NRCAM: variants seen among roughly 807,000 people sequenced by gnomAD.
The protein encoded by NRCAM is neuronal cell adhesion molecule.
A neutral mutation model predicts 156.5 loss-of-function variants in NRCAM; 83 were observed. That is an observed-to-expected ratio of 0.53 (90% confidence interval 0.44 to 0.64). The LOEUF is 0.64. Ranked by LOEUF, NRCAM falls within the 30% of genes least tolerant of loss-of-function variation. The pLI, the probability that NRCAM is intolerant of heterozygous loss-of-function variation, is 0.00. For synonymous variants in NRCAM, 538 were observed against 563.9 expected, an observed-to-expected ratio of 0.95 and a Z score of 0.65; for missense variants, 1,417 against 1,597.3, an observed-to-expected ratio of 0.89 and a Z score of 1.92.
chr7:108,227,146 T>C (rs1414921153), intron 8 of NRCAM, among the ~76,000 whole-genome samples: 1 of 152,210 alleles, frequency 6.6e-6, no homozygotes, highest in Non-Finnish European at 1.5e-5. Flanking sequence ...CTTTCATCTG[T>C]TTTGTCCACT....
At chr7:108,158,812 A>G (rs1036781919) in intron 32 of NRCAM, among the ~76,000 whole-genome samples, 6 of 152,176 alleles carry the variant, frequency 3.9e-5, no homozygotes, top group African/African-American at 1.2e-4. Flanking sequence ...TTCTCTTGAA[A>G]AGATTTATCT....
intron 13 of NRCAM, among the ~76,000 whole-genome samples, chr7:108,199,144 T>C (rs1382299762): frequency 6.6e-6 from 1 of 152,234 alleles, no homozygotes; most frequent in Non-Finnish European, 1.5e-5. Context: ...AGACTTTATG[T>C]TCTTTCTAAG....
chr7:108,418,026 T>A (rs922428507), intron 1 of NRCAM, among the ~76,000 whole-genome samples: 1 of 152,120 alleles, frequency 6.6e-6, no homozygotes, highest in African/African-American at 2.4e-5. Flanking sequence ...AGCAGAAGAA[T>A]AAAAGCATGG....
At chr7:108,265,507 T>C (rs936994098) in intron 3 of NRCAM, among the ~76,000 whole-genome samples, 1 of 152,216 alleles carries the variant, frequency 6.6e-6, no homozygotes, top group Non-Finnish European at 1.5e-5. Context: ...ACCTGACCTC[T>C]ATTTTATGCT....
chr7:108,203,897 T>C (rs1394918372), intron 13 of NRCAM, among the ~76,000 whole-genome samples: 2 of 152,234 alleles, frequency 1.3e-5, no homozygotes, highest in African/African-American at 4.8e-5. Context: ...CTGGCGCCTA[T>C]GCTAGGACCC....
intron 2 of NRCAM, among the ~76,000 whole-genome samples, chr7:108,380,995 A>G (rs1286776968): frequency 1.3e-5 from 2 of 152,198 alleles, no homozygotes. Context: ...GCTTGAGCTC[A>G]GGTGTTTGAG....
intron 32 of NRCAM, among the ~76,000 whole-genome samples, chr7:108,155,278 ATTAG>A (rs2044638866): frequency 6.6e-6 from 1 of 151,916 alleles, no homozygotes; most frequent in Non-Finnish European, 1.5e-5. Flanking sequence ...GACATTAATT[ATTAG>A]TTTTGGATGT....
chr7:108,156,363 T>C (rs2045488518), intron 32 of NRCAM: 2 of 983,354 alleles, frequency 2.0e-6, no homozygotes, highest in African/African-American at 1.7e-5. Flanking sequence ...GGAAAATGGA[T>C]CTAAAGAATA....
chr7:108,342,352 C>T (rs879626649), intron 2 of NRCAM, among the ~76,000 whole-genome samples: 60 of 152,196 alleles, frequency 3.9e-4, no homozygotes, highest in Admixed American at 2.9e-3. Context: ...CAGTGAGGAA[C>T]GTATCCAGCC....
intron 12 of NRCAM, among the ~76,000 whole-genome samples, chr7:108,208,237 T>C (rs1165619249): frequency 1.3e-5 from 2 of 150,556 alleles, no homozygotes; most frequent in Non-Finnish European, 3.0e-5. Flanking sequence ...ACCCGGGAGG[T>C]GGAGGTTGCA....
chr7:108,181,789 A>T, intron 24 of NRCAM, 33 bp downstream of exon 24: 1 of 1,486,354 alleles, frequency 6.7e-7, no homozygotes, highest in Non-Finnish European at 9.4e-7. Context: ...AGCCCTTACT[A>T]AATAAAGCCA....
intron 3 of NRCAM, among the ~76,000 whole-genome samples, chr7:108,278,543 G>A (rs779733737): frequency 1.3e-5 from 2 of 152,188 alleles, no homozygotes; most frequent in South Asian, 2.1e-4. Flanking sequence ...GCAATGCTCC[G>A]TGGGCGTGGG....
intron 31 of NRCAM, 44 bp from the exon 32 acceptor site, chr7:108,159,585 TTTCTTA>T (rs1298064932): frequency 3.4e-6 from 5 of 1,459,686 alleles, no homozygotes; most frequent in Non-Finnish European, 4.8e-6. Flanking sequence ...GATCCTGTTC[TTTCTTA>T]TTCAAAGTCC....
chr7:108,454,541 T>C (rs1854261609), intron 1 of NRCAM, among the ~76,000 whole-genome samples: 4 of 152,212 alleles, frequency 2.6e-5, no homozygotes, highest in Admixed American at 2.0e-4. Flanking sequence ...TCAAAACCGG[T>C]TGGCTATCGT....
intron 1 of NRCAM, among the ~76,000 whole-genome samples, chr7:108,439,079 T>C (rs1469604462): frequency 6.6e-6 from 1 of 152,126 alleles, no homozygotes; most frequent in African/African-American, 2.4e-5. Context: ...CCTACCAAAA[T>C]CTTAGCACTT....
chr7:108,359,460 T>C (rs947940634), intron 2 of NRCAM, among the ~76,000 whole-genome samples: 4 of 152,186 alleles, frequency 2.6e-5, no homozygotes, highest in Non-Finnish European at 5.9e-5. Context: ...ACTTGGTGAT[T>C]GGCAATGGGA....
At chr7:108,167,141 A>C in intron 29 of NRCAM, 68 bp from the exon 30 acceptor site, 1 of 1,224,114 alleles carries the variant, frequency 8.2e-7, no homozygotes, top group Non-Finnish European at 1.2e-6. Context: ...TAATGCTTCA[A>C]GAAAGGAAAA....
Position 108,198,107 on chromosome 7 carries a change from G to A in NRCAM, c.1208-8C>T. 3 of 1,587,136 alleles carry A rather than the reference G, an allele frequency of 1.9e-6. No homozygotes were observed. Among genetic ancestry groups the A allele is most frequent in the Non-Finnish European group, 2.6e-6 (3 of 1,171,054 alleles). Reference sequence around the variant, plus strand: ...TGGGGTCATCAGGGGCAACTGTTTGGATGTAAAAATAGAAAGTATTTATTC... The same window carrying A: ...TGGGGTCATCAGGGGCAACTGTTTGAATGTAAAAATAGAAAGTATTTATTC... On this transcript the variant is annotated splice_polypyrimidine_tract_variant and splice_region_variant and intron_variant, in intron 13 of 32. Coordinates refer to ENST00000379028, the MANE Select transcript of NRCAM (RefSeq NM_001037132.4).
intron 3 of NRCAM, among the ~76,000 whole-genome samples, chr7:108,287,508 A>G (rs1308804611): frequency 6.6e-6 from 1 of 152,134 alleles, no homozygotes; most frequent in African/African-American, 2.4e-5. Context: ...TCCCATTAAA[A>G]AGTGGGGAAA....
Sources: gnomAD v4.1 joint callset for allele counts (sites outside exome capture counted in the v4.1 genomes callset) on GRCh38, gnomAD v4.1.1 for gene constraint, MANE v1.5 for transcripts, NCBI Gene and HGNC (gene_info 2026-07-23, HGNC 2026-07-21) for gene names.